TMUB2: variants seen among roughly 807,000 people sequenced by gnomAD.
The protein encoded by TMUB2 is transmembrane and ubiquitin-like domain-containing protein 2.
Under a neutral mutation model 20.2 loss-of-function variants are expected in TMUB2, and 19 were observed. The ratio of observed to expected loss-of-function variants is 0.94; its 90% CI spans 0.66 to 1.38. The LOEUF (loss-of-function observed/expected upper bound fraction) is 1.38, where lower values mean the gene tolerates loss of function less well. Ranked by LOEUF, TMUB2 falls within the 40% of genes most tolerant of loss-of-function variation. The probability of loss-of-function intolerance (pLI) is 0.00; values close to 1 mark genes in which losing one functional copy is unlikely to be tolerated. For missense variants in TMUB2, 426 were observed against 402.5 expected (o/e 1.06, Z -0.50); for synonymous variants, 186 against 166.0 (o/e 1.12, Z -0.92).
intron 2 of TMUB2, among the ~76,000 whole-genome samples, chr17:44,188,525 G>C (rs1174394366): frequency 6.6e-6 from 1 of 152,234 alleles, no homozygotes; most frequent in Non-Finnish European, 1.5e-5. Context: ...AGGCTCAAAT[G>C]AGACAATCTG....
Position 44,191,532 on chromosome 17 carries a change from A to T in TMUB2, c.*668A>T. ...TGGGGCACCAAGCCAAGCCCCCAGC[A>T]TTGGGAGCGGCCAGGCCACAGCTGC... On this transcript the variant is annotated 3_prime_UTR_variant, in exon 4 of 4. Coordinates refer to ENST00000538716, the MANE Select transcript of TMUB2 (RefSeq NM_001076674.3). 1 of 986,056 alleles carries T rather than the reference A, an allele frequency of 1.0e-6. No individual in the cohort carries two copies. Among genetic ancestry groups the T allele is most frequent in the Non-Finnish European group, 1.2e-6 (1 of 830,076 alleles). 61.1% of individuals were successfully genotyped at this position (986,056 alleles called of 1,614,324 possible).
At position 44,191,733 on chromosome 17, in the gene TMUB2, C is replaced by T. The variant is rs1037618576; in HGVS notation, c.*869C>T. ...AAAGTTCCATTTTGTGGTCCTGCAG[C>T]CTCTTTCTGTGACAGAGAATGGCTT... On this transcript the variant is annotated 3_prime_UTR_variant, in exon 4 of 4. Transcript: ENST00000538716. 7 of 985,516 alleles carry T rather than the reference C, an allele frequency of 7.1e-6. No homozygotes were observed. Among genetic ancestry groups the T allele is most frequent in the African/African-American group, 1.7e-5 (1 of 57,192 alleles). The allele number at this position is 985,516 out of a possible 1,614,324, so 61.0% of individuals were successfully genotyped here.
Position 44,189,470 on chromosome 17 carries a change from G to A in TMUB2, c.484G>A (p.Glu162Lys). The change falls in exon 3 of 4, where the codon GAG (glutamate) becomes AAG (lysine). Residue 162 changes from glutamate (E) to lysine (K), a missense_variant. Transcript: ENST00000538716. ...SSSPEAPLRS[E>K]DSTCLPPSPG... ...CAGTCCAGAGGCCCCCCTGAGATCT[G>A]AGGATAGCACCTGCCTCCCTCCCAG... 1 of 1,614,078 alleles carries A rather than the reference G, an allele frequency of 6.2e-7. No homozygotes were observed. Among genetic ancestry groups the A allele is most frequent in the South Asian group, 1.1e-5 (1 of 91,070 alleles).
rs924365298 is a variant in TMUB2, at chr17:44,191,153, C to G, written c.*289C>G. ...CTGCTGGCCAAGCTCAGTGGGGAGC[C>G]TGGGCTCTGAGATTCCCTCCCACCT... is the stretch of plus-strand genomic sequence containing the variant. On this transcript the variant is annotated 3_prime_UTR_variant, in exon 4 of 4. Coordinates refer to ENST00000538716, the MANE Select transcript of TMUB2 (RefSeq NM_001076674.3). 1.7e-6 allele frequency: 2 copies of G among 1,151,644 alleles called. No homozygotes were observed. The highest frequency in any genetic ancestry group is 2.1e-6 in the Non-Finnish European group (2 of 932,446). 71.3% of individuals were successfully genotyped at this position (1,151,644 alleles called of 1,614,324 possible).
In TMUB2 at chr17:44,190,937, G is replaced by A; in HGVS notation, c.*73G>A. 6.6e-7 allele frequency: 1 copy of A among 1,524,472 alleles called. No homozygotes were observed. 94.4% of individuals were successfully genotyped at this position (1,524,472 alleles called of 1,614,324 possible). On this transcript the variant is annotated 3_prime_UTR_variant, in exon 4 of 4. Coordinates refer to ENST00000538716, the MANE Select transcript of TMUB2 (RefSeq NM_001076674.3). ...CCCCACTTTTCCTGGCCAGAGCTGG[G>A]CCCAAGGGCCGGGGAGGGAGGGGTG...
Position 44,189,162 on chromosome 17 carries a change from C to CA in TMUB2, c.177dup (p.Asp60ArgfsTer4), listed in dbSNP as rs1420241308. 1 of 1,614,022 alleles carries CA rather than the reference C, an allele frequency of 6.2e-7. No individual in the cohort carries two copies. Among genetic ancestry groups the CA allele is most frequent in the Non-Finnish European group, 8.5e-7 (1 of 1,180,034 alleles). The stretch of plus-strand genomic sequence containing the variant: ...CTAGCTTGGCTCTCTACCTACGTAG[C>CA]AGACAGCGGTAGCAACCAGCTCCTG... On this transcript the variant is annotated frameshift_variant, in exon 3 of 4. Coordinates refer to ENST00000538716, the MANE Select transcript of TMUB2 (RefSeq NM_001076674.3). LOFTEE classifies it high-confidence loss of function.
Position 44,189,629 on chromosome 17 carries a change from C to G in TMUB2, c.602+41C>G, listed in dbSNP as rs200480983. The G allele has an allele frequency of 4.0e-6, 6 of 1,513,630 alleles. No homozygotes were observed. The East Asian group carries it at 1.1e-4, about 29-fold the overall frequency. 93.8% of individuals were successfully genotyped at this position (1,513,630 alleles called of 1,614,324 possible). On this transcript the variant is annotated intron_variant, in intron 3 of 3. Coordinates refer to ENST00000538716, the MANE Select transcript of TMUB2 (RefSeq NM_001076674.3). Reference sequence around the variant, plus strand: ...AGTGGGAAGCTGCTTGTGCTCATCCCCCAGCCCTTGGTTGCCTCTAAGGAG... The same window carrying G: ...AGTGGGAAGCTGCTTGTGCTCATCCGCCAGCCCTTGGTTGCCTCTAAGGAG...
At chr17:44,188,533 C>G (rs1453469607) in intron 2 of TMUB2, among the ~76,000 whole-genome samples, 2 of 152,212 alleles carry the variant, frequency 1.3e-5, no homozygotes, top group Non-Finnish European at 2.9e-5. Context: ...ATGAGACAAT[C>G]TGGCAGGGAT....
In TMUB2 at chr17:44,191,929, A is replaced by C; in HGVS notation, c.*1065A>C. ...ATGCAAAAATAAAAATCTCAAGACC[A>C]CAGGACAGCGTGAGCCCCACCCCCC... On this transcript the variant is annotated 3_prime_UTR_variant, in exon 4 of 4. Coordinates refer to ENST00000538716, the MANE Select transcript of TMUB2 (RefSeq NM_001076674.3). The C allele has an allele frequency of 1.1e-5, 2 of 179,062 alleles. No homozygotes were observed. Among genetic ancestry groups the C allele is most frequent in the Non-Finnish European group, 2.2e-5 (2 of 92,330 alleles). 11.1% of individuals were successfully genotyped at this position (179,062 alleles called of 1,614,324 possible). A position where few individuals can be genotyped will look rare whatever the true frequency, so the allele number is the denominator to read the frequency against.
At position 44,191,593 on chromosome 17, in the gene TMUB2, GCACTGGCCCTTGGCCAGCGTCCT is replaced by G; in HGVS notation, c.*730_*752del. ...GTCCTCAGGCTGTAAGCAAGAGACA[GCACTGGCCCTTGGCCAGCGTCCT>G]ACCCTGCCCAACTCCAAGGACTGGG... On this transcript the variant is annotated 3_prime_UTR_variant, in exon 4 of 4. Coordinates refer to ENST00000538716, the MANE Select transcript of TMUB2 (RefSeq NM_001076674.3). The G allele has an allele frequency of 1.0e-6, 1 of 986,004 alleles. No individual in the cohort carries two copies. The highest frequency in any genetic ancestry group is 1.2e-6 in the Non-Finnish European group (1 of 830,028). The allele number at this position is 986,004 out of a possible 1,614,324, so 61.1% of individuals were successfully genotyped here.
Position 44,191,003 on chromosome 17 carries a change from G to A in TMUB2, c.*139G>A. ...AAATCTCCTCCATAGGACACAGGAG[G>A]CAAGTATGCGGCCTCCCCTTCTCAT... is the stretch of plus-strand genomic sequence containing the variant. On this transcript the variant is annotated 3_prime_UTR_variant, in exon 4 of 4. Coordinates refer to ENST00000538716, the MANE Select transcript of TMUB2 (RefSeq NM_001076674.3). 5 of 1,478,456 alleles carry A rather than the reference G, an allele frequency of 3.4e-6. No individual in the cohort carries two copies. Among genetic ancestry groups the A allele is most frequent in the Non-Finnish European group, 4.5e-6 (5 of 1,122,550 alleles). The allele number at this position is 1,478,456 out of a possible 1,614,324, so 91.6% of individuals were successfully genotyped here.
At position 44,189,482 on chromosome 17, in the gene TMUB2, T is replaced by C. The variant is rs748000877; in HGVS notation, c.496T>C (p.Cys166Arg). Residue 166 changes from cysteine (C) to arginine (R), a missense_variant, in exon 3 of 4, where the codon TGC becomes CGC. By Grantham distance (180) the Cys-to-Arg change is radical. Coordinates refer to ENST00000538716, the MANE Select transcript of TMUB2 (RefSeq NM_001076674.3). ...EAPLRSEDST[C>R]LPPSPGLITV... ...CCCCCTGAGATCTGAGGATAGCACC[T>C]GCCTCCCTCCCAGCCCTGGCCTCAT... The C allele has an allele frequency of 3.1e-6, 5 of 1,613,976 alleles. No homozygotes were observed. The highest frequency in any genetic ancestry group is 4.2e-6 in the Non-Finnish European group (5 of 1,179,984).
chr17:44,191,443 C>T lies in TMUB2; in HGVS notation c.*579C>T. ...TAGGGTGTCCTCCCTTCTTTCAAAGCACTTTGCTTGCATTTTATTTTATTT... is the reference window on the plus strand; with the variant it reads ...TAGGGTGTCCTCCCTTCTTTCAAAGTACTTTGCTTGCATTTTATTTTATTT... On this transcript the variant is annotated 3_prime_UTR_variant, in exon 4 of 4. Transcript: ENST00000538716. 1 of 986,048 alleles carries T rather than the reference C, an allele frequency of 1.0e-6. No individual in the cohort carries two copies. Among genetic ancestry groups the T allele is most frequent in the Non-Finnish European group, 1.2e-6 (1 of 830,070 alleles). The allele number at this position is 986,048 out of a possible 1,614,324, so 61.1% of individuals were successfully genotyped here.
At chr17:44,188,574 A>G (rs774400038) in intron 2 of TMUB2, among the ~76,000 whole-genome samples, 1 of 152,210 alleles carries the variant, frequency 6.6e-6, no homozygotes, top group Non-Finnish European at 1.5e-5. Context: ...GGGGCCCCAC[A>G]GTAAAATATT....
At position 44,191,375 on chromosome 17, in the gene TMUB2, C is replaced by A; in HGVS notation, c.*511C>A. 27 of 987,730 alleles carry A rather than the reference C, an allele frequency of 2.7e-5. No homozygotes were observed. Among genetic ancestry groups the A allele is most frequent in the Non-Finnish European group, 3.2e-5 (27 of 831,132 alleles). The allele number at this position is 987,730 out of a possible 1,614,324, so 61.2% of individuals were successfully genotyped here. A position where few individuals can be genotyped will look rare whatever the true frequency, so the allele number is the denominator to read the frequency against. ...GATTGTGCCAGCCTTCTCTTATGGG[C>A]ACCTAGCCGCCTTCACCTTCTTCCT... is the stretch of plus-strand genomic sequence containing the variant. On this transcript the variant is annotated 3_prime_UTR_variant, in exon 4 of 4. Coordinates refer to ENST00000538716, the MANE Select transcript of TMUB2 (RefSeq NM_001076674.3).
chr17:44,190,413 C>T, intron 3 of TMUB2, 88 bp from the exon 4 acceptor site: 2 of 1,345,094 alleles, frequency 1.5e-6, no homozygotes, highest in Non-Finnish European at 2.0e-6. Flanking sequence ...TCCAGTTTTT[C>T]CCCACTCCCC....
At chr17:44,188,885 G>A (rs2054895282) in intron 2 of TMUB2, 137 bp from the exon 3 acceptor site, 1 of 1,393,872 alleles carries the variant, frequency 7.2e-7, no homozygotes, top group Non-Finnish European at 9.3e-7. Flanking sequence ...AATTAGGAAG[G>A]TTTGTGCCCC....
chr17:44,191,453 G>C lies in TMUB2; in HGVS notation c.*589G>C. The C allele has an allele frequency of 1.0e-6, 1 of 986,034 alleles. No individual in the cohort carries two copies. The highest frequency in any genetic ancestry group is 1.2e-6 in the Non-Finnish European group (1 of 830,086). 61.1% of individuals were successfully genotyped at this position (986,034 alleles called of 1,614,324 possible). A position where few individuals can be genotyped will look rare whatever the true frequency, so the allele number is the denominator to read the frequency against. On this transcript the variant is annotated 3_prime_UTR_variant, in exon 4 of 4. Coordinates refer to ENST00000538716, the MANE Select transcript of TMUB2 (RefSeq NM_001076674.3). ...TCCCTTCTTTCAAAGCACTTTGCTTGCATTTTATTTTATTTTTTTAAGAGT... is the reference window on the plus strand; with the variant it reads ...TCCCTTCTTTCAAAGCACTTTGCTTCCATTTTATTTTATTTTTTTAAGAGT...
Position 44,191,472 on chromosome 17 carries a change from T to G in TMUB2, c.*608T>G. On this transcript the variant is annotated 3_prime_UTR_variant, in exon 4 of 4. Coordinates refer to ENST00000538716, the MANE Select transcript of TMUB2 (RefSeq NM_001076674.3). Reference sequence around the variant, plus strand: ...TTGCTTGCATTTTATTTTATTTTTTTAAGAGTCCTTCATAGAGCTCAGTCA... The same window carrying G: ...TTGCTTGCATTTTATTTTATTTTTTGAAGAGTCCTTCATAGAGCTCAGTCA... The G allele has an allele frequency of 1.0e-6, 1 of 986,162 alleles. No homozygotes were observed. Among genetic ancestry groups the G allele is most frequent in the South Asian group, 4.7e-5 (1 of 21,300 alleles). 61.1% of individuals were successfully genotyped at this position (986,162 alleles called of 1,614,324 possible).
Sources: allele counts gnomAD v4.1 joint callset (sites outside exome capture counted in the v4.1 genomes callset), GRCh38; gene constraint gnomAD v4.1.1; transcripts MANE v1.5; gene names NCBI Gene and HGNC (gene_info 2026-07-23, HGNC 2026-07-21).